PGK1: variants seen among roughly 807,000 people sequenced by gnomAD.
PGK1 encodes phosphoglycerate kinase 1.
In PGK1, 3 loss-of-function variants were observed where a neutral mutation model predicts 26.9. The observed-to-expected ratio is 0.11, with a 90% CI of 0.05 to 0.29. The LOEUF (loss-of-function observed/expected upper bound fraction) is 0.29, where lower values mean the gene tolerates loss of function less well. Among genes scored for constraint, PGK1 ranks in the 10% least tolerant of loss-of-function variants. PGK1 has a pLI of 1.00. For synonymous variants in PGK1, 125 were observed against 115.3 expected (o/e 1.08, Z -0.54); for missense variants, 270 against 314.7 (o/e 0.86, Z 1.07).
At chrX:78,123,793 G>T (rs1165150708) in intron 8 of PGK1, among the ~76,000 whole-genome samples, 1 of 110,337 alleles carries the variant, frequency 9.1e-6, no homozygotes, top group Non-Finnish European at 1.9e-5. Context: ...ATTTTTCATA[G>T]AGACGGGGTT....
chrX:78,109,165 G>GT (rs2078287316), intron 1 of PGK1, among the ~76,000 whole-genome samples: 1 of 111,295 alleles, frequency 9.0e-6, no homozygotes, highest in Non-Finnish European at 1.9e-5. Context: ...TAATTTGCCT[G>GT]TTTGTCAGGT....
chrX:78,114,167 C>T lies in PGK1; in HGVS notation c.417+7C>T, dbSNP rs549203673. The T allele has an allele frequency of 3.3e-6, 4 of 1,205,183 alleles. No individual in the cohort carries two copies. The highest frequency in any genetic ancestry group is 1.8e-5 in the African/African-American group (1 of 57,010). On this transcript the variant is annotated splice_region_variant and intron_variant, in intron 4 of 10. Coordinates refer to ENST00000373316, the MANE Select transcript of PGK1 (RefSeq NM_000291.4). ...AGATGCTTCTGGGAACAAGGTAGGACCTGTGATTTTGACATTATTGGGGGT... is the reference window on the plus strand; with the variant it reads ...AGATGCTTCTGGGAACAAGGTAGGATCTGTGATTTTGACATTATTGGGGGT...
chrX:78,121,250 A>ATTAT (rs1714539357), intron 6 of PGK1, among the ~76,000 whole-genome samples: 1 of 112,434 alleles, frequency 8.9e-6, no homozygotes, highest in African/African-American at 3.2e-5. Context: ...AAGTCCATGC[A>ATTAT]TTGCCTTTGG....
At chrX:78,125,528 A>G in intron 10 of PGK1, 103 bp downstream of exon 10, 1 of 589,495 alleles carries the variant, frequency 1.7e-6, no homozygotes, top group Non-Finnish European at 2.9e-6. Context: ...TGTTGTCATT[A>G]GCAGTCATTA....
At chrX:78,115,687 G>T (rs1184273690) in intron 4 of PGK1, among the ~76,000 whole-genome samples, 6 of 111,126 alleles carry the variant, frequency 5.4e-5, no homozygotes, top group Non-Finnish European at 9.4e-5. Flanking sequence ...AGGATATGAG[G>T]ACATAAACAT....
Position 78,129,258 on chromosome X carries a change from T to TATCTATCTATC in PGK1, c.*3432_*3433insATCTATCATCT, listed in dbSNP as rs1300569358. The TATCTATCTATC allele has an allele frequency of 2.7e-5, 3 of 111,242 alleles. No individual in the cohort carries two copies. The highest frequency in any genetic ancestry group is 6.5e-5 in the African/African-American group (2 of 30,590). 9.2% of individuals were successfully genotyped at this position (111,242 alleles called of 1,213,427 possible). A position where few individuals can be genotyped will look rare whatever the true frequency, so the allele number is the denominator to read the frequency against. On this transcript the variant is annotated 3_prime_UTR_variant, in exon 11 of 11. Transcript: ENST00000373316. Reference sequence around the variant, plus strand: ...CTATCTATCTATCTATCTATCTATCTATCTGTATATAGATATATTAAAATG... The same window carrying TATCTATCTATC: ...CTATCTATCTATCTATCTATCTATCTATCTATCTATCATCTGTATATAGATATATTAAAATG...
intron 6 of PGK1, among the ~76,000 whole-genome samples, chrX:78,120,405 AAT>A (rs1353372431): frequency 5.4e-5 from 6 of 110,506 alleles, no homozygotes; most frequent in Admixed American, 1.9e-4. Context: ...AAGTGAAATA[AAT>A]ATGTGTATAT....
chrX:78,119,532 T>G (rs2078343421), intron 6 of PGK1, among the ~76,000 whole-genome samples: 2 of 111,444 alleles, frequency 1.8e-5, no homozygotes, highest in African/African-American at 3.3e-5. Flanking sequence ...TGGAGTTGGG[T>G]GTCAATTTCA....
In PGK1 at chrX:78,129,215, G is replaced by C. The variant is rs868924774; in HGVS notation, c.*3385G>C. On this transcript the variant is annotated 3_prime_UTR_variant, in exon 11 of 11. Coordinates refer to ENST00000373316, the MANE Select transcript of PGK1 (RefSeq NM_000291.4). ...CTCTGCATAAAGAGCATACCCATGT[G>C]TGTACCTATCTATCTATCTATCTAT... 1.5e-5 allele frequency: 1 copy of C among 64,882 alleles called. No individual in the cohort carries two copies. The allele number at this position is 64,882 out of a possible 1,213,427, so 5.3% of individuals were successfully genotyped here.
At chrX:78,104,824 A>G (rs962109707) in intron 1 of PGK1, among the ~76,000 whole-genome samples, 22 of 111,848 alleles carry the variant, frequency 2.0e-4, no homozygotes, top group African/African-American at 6.5e-4. Context: ...GTCGCAGCCA[A>G]ATGAGAAACG....
chrX:78,110,480 A>G (rs1042741683), intron 2 of PGK1, among the ~76,000 whole-genome samples: 2 of 109,942 alleles, frequency 1.8e-5, no homozygotes, highest in African/African-American at 6.6e-5. Flanking sequence ...TTTTTAAAGA[A>G]TATAAAAGTT....
In PGK1 at chrX:78,127,382, T is replaced by C. The variant is rs2078387991; in HGVS notation, c.*1552T>C. On this transcript the variant is annotated 3_prime_UTR_variant, in exon 11 of 11. Transcript: ENST00000373316. ...CATCATCTTTATAATTTTACCTTCC[T>C]ATTTCTTTCCTGTCCTTTTAATGGA... is the stretch of plus-strand genomic sequence containing the variant. The C allele has an allele frequency of 8.9e-6, 1 of 112,621 alleles. No homozygotes were observed. Among genetic ancestry groups the C allele is most frequent in the South Asian group, 3.6e-4 (1 of 2,752 alleles). 9.3% of individuals were successfully genotyped at this position (112,621 alleles called of 1,213,427 possible). A position where few individuals can be genotyped will look rare whatever the true frequency, so the allele number is the denominator to read the frequency against.
intron 2 of PGK1, among the ~76,000 whole-genome samples, chrX:78,110,233 G>A (rs1277357251): frequency 1.5e-4 from 17 of 110,401 alleles, no homozygotes; most frequent in African/African-American, 5.6e-4. Context: ...GTTCACTGCA[G>A]CCTTAACCTT....
At chrX:78,123,626 T>C (rs1349082481) in intron 8 of PGK1, among the ~76,000 whole-genome samples, 1 of 107,635 alleles carries the variant, frequency 9.3e-6, no homozygotes, top group African/African-American at 3.4e-5. Context: ...TTTTTTTTTT[T>C]TGAGACAGAG....
At chrX:78,110,989 A>G (rs1304371911) in intron 2 of PGK1, among the ~76,000 whole-genome samples, 4 of 109,644 alleles carry the variant, frequency 3.6e-5, no homozygotes, top group Non-Finnish European at 3.8e-5. Context: ...GATTTTATAT[A>G]TATATATATA....
intron 6 of PGK1, among the ~76,000 whole-genome samples, chrX:78,118,714 G>A (rs1046841571): frequency 1.8e-5 from 2 of 111,959 alleles, no homozygotes; most frequent in Non-Finnish European, 3.8e-5. Flanking sequence ...TTCTATGCCT[G>A]AAGGGACAAA....
intron 6 of PGK1, among the ~76,000 whole-genome samples, chrX:78,121,669 G>A (rs782410360): frequency 8.9e-6 from 1 of 112,384 alleles, no homozygotes; most frequent in Non-Finnish European, 1.9e-5. Flanking sequence ...TTTATGGAAG[G>A]CAGGCTATTA....
At chrX:78,120,998 G>C (rs6650009) in intron 6 of PGK1, among the ~76,000 whole-genome samples, 6,183 of 111,906 alleles carry the variant, frequency 0.055, 134 homozygotes, top group East Asian at 0.08. Flanking sequence ...TATTTCCTTT[G>C]AGCTCAAACA....
At chrX:78,122,803 C>A in intron 6 of PGK1, 32 bp from the exon 7 acceptor site, 1 of 845,068 alleles carries the variant, frequency 1.2e-6, no homozygotes, top group Non-Finnish European at 1.8e-6. Context: ...GTCCATTCTT[C>A]TTTAAGTGAT....
Sources: allele counts gnomAD v4.1 joint callset (sites outside exome capture counted in the v4.1 genomes callset), GRCh38; gene constraint gnomAD v4.1.1; transcripts MANE v1.5; gene names NCBI Gene and HGNC (gene_info 2026-07-23, HGNC 2026-07-21).